The following CRADD variants were observed in gnomAD, a reference collection of about 807,000 sequenced individuals.
CRADD encodes CARD and death domain containing adaptor protein, also known as death domain-containing protein CRADD.
In CRADD, 9 loss-of-function variants were observed where a neutral mutation model predicts 15.5. That is an observed-to-expected ratio of 0.58 (90% CI 0.35 to 1.01). The LOEUF (loss-of-function observed/expected upper bound fraction) is 1.01. Ranked by LOEUF, CRADD falls within the 50% of genes least tolerant of loss-of-function variation. The pLI, the probability that CRADD is intolerant of heterozygous loss-of-function variation, is 0.02. For synonymous variants in CRADD, 118 were observed against 107.6 expected (o/e 1.10, Z -0.60); for missense variants, 227 against 250.3 (o/e 0.91, Z 0.63).
chr12:93,808,639 G>C (rs904767290), intron 2 of CRADD, among the ~76,000 whole-genome samples: 3 of 152,108 alleles, frequency 2.0e-5, no homozygotes, highest in Admixed American at 6.6e-5. Context: ...CAGTATTTTG[G>C]AGTGCTCTGC....
At chr12:93,812,985 A>G (rs1443102101) in intron 2 of CRADD, among the ~76,000 whole-genome samples, 3 of 152,336 alleles carry the variant, frequency 2.0e-5, no homozygotes, top group Middle Eastern at 6.8e-3. Context: ...CCTCTTTTGT[A>G]TCAATTTTTT....
chr12:93,868,994 A>G lies in CRADD; in HGVS notation c.299-25056A>G, dbSNP rs182023428. 2.0e-5 allele frequency among the ~76,000 whole-genome samples: 3 copies of G among 152,310 alleles called. No homozygotes were observed. The East Asian group carries it at 5.8e-4, about 29-fold the overall frequency. ...CCACAAATGTACAGGGCAAGACTCCAAAGAGCATAGCAGAAAACATCAGCT... is the reference window on the plus strand; with the variant it reads ...CCACAAATGTACAGGGCAAGACTCCGAAGAGCATAGCAGAAAACATCAGCT... On this transcript the variant is annotated intron_variant, in intron 2 of 2. Transcript: ENST00000548483.
chr12:93,802,445 G>A (rs1957486852), intron 2 of CRADD, among the ~76,000 whole-genome samples: 2 of 152,176 alleles, frequency 1.3e-5, no homozygotes, highest in South Asian at 2.1e-4. Flanking sequence ...ATATCAGTGT[G>A]AAAACAGACT....
intron 2 of CRADD, among the ~76,000 whole-genome samples, chr12:93,716,046 C>T (rs778381645): frequency 1.3e-5 from 2 of 151,418 alleles, no homozygotes; most frequent in Non-Finnish European, 2.9e-5. Context: ...GCATGAGAAT[C>T]GCTTGAATCC....
rs1281078047 is a variant in CRADD, at chr12:93,714,788, T to A, written c.298+35716T>A. The A allele has an allele frequency of 2.0e-5, 3 of 152,220 alleles. No individual in the cohort carries two copies. In the East Asian group the frequency reaches 5.8e-4, roughly 29 times the overall value. The allele number at this position is 152,220 out of a possible 1,614,324, so 9.4% of individuals were successfully genotyped here. On this transcript the variant is annotated intron_variant, in intron 2 of 2. Transcript: ENST00000332896. ...TTTTCTTGGGAAAAGAAGTAGTCTT[T>A]CCAGAAATCCTCAACACAATTCCTC... is the stretch of plus-strand genomic sequence containing the variant.
At chr12:93,681,896 T>C (rs1476268242) in intron 2 of CRADD, among the ~76,000 whole-genome samples, 1 of 152,124 alleles carries the variant, frequency 6.6e-6, no homozygotes, top group Non-Finnish European at 1.5e-5. Context: ...TATATGTATA[T>C]AGAGAGAGAT....
chr12:93,734,900 G>A (rs548660479), intron 2 of CRADD, among the ~76,000 whole-genome samples: 17 of 152,160 alleles, frequency 1.1e-4, no homozygotes, highest in Non-Finnish European at 1.8e-4. Flanking sequence ...ACTTCCTAGG[G>A]GAGGCCTTCC....
intron 2 of CRADD, among the ~76,000 whole-genome samples, chr12:93,758,824 C>G (rs367670334): frequency 7.9e-5 from 12 of 152,092 alleles, no homozygotes; most frequent in African/African-American, 2.4e-4. Context: ...AGTTTAACCT[C>G]AAGCATATAG....
intron 2 of CRADD, chr12:93,738,181 C>T (rs959430666): frequency 2.8e-5 from 17 of 607,716 alleles, no homozygotes; most frequent in Admixed American, 5.9e-5. Context: ...AAAACAACAG[C>T]GCTGCTCATT....
intron 2 of CRADD, among the ~76,000 whole-genome samples, chr12:93,845,502 T>C (rs1958102892): frequency 6.6e-6 from 1 of 151,924 alleles, no homozygotes; most frequent in South Asian, 2.1e-4. Context: ...GTCACGAGGA[T>C]CAGTTGAGGC....
intron 2 of CRADD, among the ~76,000 whole-genome samples, chr12:93,809,239 T>C (rs932395579): frequency 2.0e-5 from 3 of 152,198 alleles, no homozygotes; most frequent in Non-Finnish European, 2.9e-5. Flanking sequence ...ATTCATAATA[T>C]ATTCATATGT....
intron 2 of CRADD, among the ~76,000 whole-genome samples, chr12:93,785,634 G>A (rs1037241803): frequency 1.3e-5 from 2 of 152,192 alleles, no homozygotes; most frequent in South Asian, 2.1e-4. Context: ...AAAGAAAATA[G>A]ATGTGAAGTC....
intron 2 of CRADD, among the ~76,000 whole-genome samples, chr12:93,682,451 C>CT (rs1955333790): frequency 6.6e-6 from 1 of 152,150 alleles, no homozygotes; most frequent in Non-Finnish European, 1.5e-5. Context: ...GAATGGCCTT[C>CT]TTTTTTAGCC....
chr12:93,721,157 T>C (rs1956254329), intron 2 of CRADD, among the ~76,000 whole-genome samples: 1 of 152,204 alleles, frequency 6.6e-6, no homozygotes, highest in Non-Finnish European at 1.5e-5. Context: ...CTCAAACTCA[T>C]GGGCTCAAAC....
Position 93,808,883 on chromosome 12 carries a change from T to C in CRADD, c.299-41087T>C, listed in dbSNP as rs372431800. 3.3e-5 allele frequency among the ~76,000 whole-genome samples: 5 copies of C among 151,634 alleles called. No individual in the cohort carries two copies. In the East Asian group the frequency reaches 5.8e-4, roughly 18 times the overall value. ...CATAGAATCTTTGTGAAGGCTTCTT[T>C]TTATTATAAACATTTTTGTGAAATT... On this transcript the variant is annotated intron_variant, in intron 2 of 2. Transcript: ENST00000332896.
In CRADD at chr12:93,717,974, A is replaced by G. The variant is rs1956191675; in HGVS notation, c.298+38902A>G. On this transcript the variant is annotated intron_variant, in intron 2 of 2. Transcript: ENST00000332896. ...TATTGCTTTTGCTCCATTGTCAAAG[A>G]TCACTTAACTTTGTTTATGTGAGTT... Among the ~76,000 whole-genome samples, 10 of 152,164 alleles carry G rather than the reference A, an allele frequency of 6.6e-5. No homozygotes were observed. In the South Asian group the frequency reaches 2.1e-3, roughly 31 times the overall value.
At chr12:93,741,293 A>C (rs1358048597) in intron 2 of CRADD, among the ~76,000 whole-genome samples, 1 of 152,212 alleles carries the variant, frequency 6.6e-6, no homozygotes, top group Non-Finnish European at 1.5e-5. Context: ...ATCTTGTTGT[A>C]ATATACTTCT....
chr12:93,829,533 TGCTCTTTCTGTA>T (rs1957865906), intron 2 of CRADD, among the ~76,000 whole-genome samples: 2 of 152,210 alleles, frequency 1.3e-5, no homozygotes, highest in Non-Finnish European at 2.9e-5. Context: ...AATTTTTAAA[TGCTCTTTCTGTA>T]GTTTTTTGAA....
intron 2 of CRADD, among the ~76,000 whole-genome samples, chr12:93,818,200 A>T (rs1483388798): frequency 6.6e-6 from 1 of 152,274 alleles, no homozygotes; most frequent in Non-Finnish European, 1.5e-5. Flanking sequence ...CTCTGTGGAA[A>T]ACCTTGTGTG....
Sources: gnomAD v4.1 joint callset for allele counts (sites outside exome capture counted in the v4.1 genomes callset) on GRCh38, gnomAD v4.1.1 for gene constraint, MANE v1.5 for transcripts, NCBI Gene and HGNC (gene_info 2026-07-23, HGNC 2026-07-21) for gene names.